TSPAN18: variants seen among roughly 807,000 people sequenced by gnomAD.
TSPAN18 encodes tetraspanin-18.
Under a neutral mutation model 27.3 loss-of-function variants are expected in TSPAN18, and 14 were observed. The ratio of observed to expected loss-of-function variants is 0.51; its 90% CI spans 0.34 to 0.80. The LOEUF (loss-of-function observed/expected upper bound fraction) is 0.80, where lower values mean the gene tolerates loss of function less well. Among genes scored for constraint, TSPAN18 ranks in the 30% least tolerant of loss-of-function variants. The pLI, the probability that TSPAN18 is intolerant of heterozygous loss-of-function variation, is 0.01. For synonymous variants in TSPAN18, 143 were observed against 136.5 expected (o/e 1.05, Z -0.33); for missense variants, 268 against 323.9 (o/e 0.83, Z 1.32).
intron 2 of TSPAN18, among the ~76,000 whole-genome samples, chr11:44,780,641 T>G (rs1855916671): frequency 6.6e-6 from 1 of 152,244 alleles, no homozygotes; most frequent in African/African-American, 2.4e-5. Context: ...TGATGCTTGC[T>G]TTTTGGAACC....
chr11:44,851,639 T>C (rs1216300270), intron 2 of TSPAN18, among the ~76,000 whole-genome samples: 1 of 133,218 alleles, frequency 7.5e-6, no homozygotes, highest in East Asian at 2.1e-4. Flanking sequence ...GCTGGGTCCC[T>C]GTCTACCTCC....
chr11:44,895,220 G>A (rs1233680086), intron 3 of TSPAN18, among the ~76,000 whole-genome samples: 1 of 152,214 alleles, frequency 6.6e-6, no homozygotes, highest in Non-Finnish European at 1.5e-5. Flanking sequence ...CCCAAGCCAT[G>A]TGTCCATGGT....
chr11:44,851,818 AC>A (rs1857613411), intron 2 of TSPAN18, among the ~76,000 whole-genome samples: 1 of 152,154 alleles, frequency 6.6e-6, no homozygotes. Flanking sequence ...TCCAGGTGCT[AC>A]TTTCTCCATC....
chr11:44,742,548 TCGGCCATACC>T (rs1854969553), intron 1 of TSPAN18, among the ~76,000 whole-genome samples: 3 of 152,026 alleles, frequency 2.0e-5, no homozygotes, highest in Admixed American at 2.0e-4. Flanking sequence ...TAGAACCTGC[TCGGCCATACC>T]CGCCATAGGA....
intron 2 of TSPAN18, among the ~76,000 whole-genome samples, chr11:44,847,566 A>G (rs1402344703): frequency 1.3e-5 from 2 of 152,106 alleles, no homozygotes; most frequent in African/African-American, 2.4e-5. Flanking sequence ...GGCCTTTTGG[A>G]TACTATAAAT....
Position 44,752,393 on chromosome 11 carries a change from T to C in TSPAN18, c.-239-12033T>C, listed in dbSNP as rs570319727. Among the ~76,000 whole-genome samples the C allele has an allele frequency of 1.2e-4, 19 of 152,342 alleles. No homozygotes were observed. The East Asian group carries it at 1.9e-3, about 15-fold the overall frequency. On this transcript the variant is annotated intron_variant, in intron 1 of 9. Transcript: ENST00000520358. ...GCAGAACAACTTTCTTTCTTTCTTT[T>C]TTTTTTGACACAGGGTCTCACTCTG...
chr11:44,843,535 G>A (rs1857418427), intron 2 of TSPAN18, among the ~76,000 whole-genome samples: 1 of 152,214 alleles, frequency 6.6e-6, no homozygotes, highest in East Asian at 1.9e-4. Context: ...AGAAGACAGG[G>A]TTTTGAGATC....
At chr11:44,782,693 T>C (rs1163905219) in intron 2 of TSPAN18, among the ~76,000 whole-genome samples, 2 of 152,222 alleles carry the variant, frequency 1.3e-5, no homozygotes, top group African/African-American at 4.8e-5. Context: ...GCTTTTGAGT[T>C]TTAGACATTC....
chr11:44,900,673 A>G lies in TSPAN18; in HGVS notation c.-10-5734A>G, dbSNP rs886203816. Among the ~76,000 whole-genome samples the G allele has an allele frequency of 5.7e-3, 681 of 118,742 alleles. 5 individuals are homozygous for G. Among genetic ancestry groups the G allele is most frequent in the Middle Eastern group, 9.5e-3 (2 of 210 alleles). The allele number at this position is 118,742 out of a possible 152,430, so 77.9% of individuals were successfully genotyped here. On this transcript the variant is annotated intron_variant, in intron 3 of 9. Transcript: ENST00000520358. Reference sequence around the variant, plus strand: ...TGCTCAGTATTTTCCATACAACTTGAGGAAGGCTTTTTTTTTTTTTTTTTT... The same window carrying G: ...TGCTCAGTATTTTCCATACAACTTGGGGAAGGCTTTTTTTTTTTTTTTTTT...
At chr11:44,787,905 C>T (rs1227057183) in intron 2 of TSPAN18, among the ~76,000 whole-genome samples, 2 of 145,682 alleles carry the variant, frequency 1.4e-5, no homozygotes, top group South Asian at 2.1e-4. Context: ...TAAAGCCCCT[C>T]GTTACAACAC....
intron 5 of TSPAN18, among the ~76,000 whole-genome samples, chr11:44,914,564 T>C (rs1016291173): frequency 6.6e-6 from 1 of 152,122 alleles, no homozygotes; most frequent in Non-Finnish European, 1.5e-5. Context: ...TTGCAGGCCA[T>C]GTAGAAACCA....
chr11:44,928,920 T>C (rs536901747), intron 9 of TSPAN18, among the ~76,000 whole-genome samples: 96 of 152,356 alleles, frequency 6.3e-4, no homozygotes, highest in African/African-American at 2.2e-3. Flanking sequence ...CACTCGTTTC[T>C]AAAGTCTTCC....
intron 2 of TSPAN18, among the ~76,000 whole-genome samples, chr11:44,851,262 C>T (rs1052870135): frequency 1.3e-5 from 2 of 152,166 alleles, no homozygotes; most frequent in Admixed American, 6.5e-5. Flanking sequence ...CTGCTTCCGG[C>T]GTCACCTGCC....
At chr11:44,877,641 G>GTT (rs1419166672) in intron 3 of TSPAN18, among the ~76,000 whole-genome samples, 1 of 152,144 alleles carries the variant, frequency 6.6e-6, no homozygotes, top group Non-Finnish European at 1.5e-5. Context: ...AAACAGCCAG[G>GTT]TTATGGTGAC....
At chr11:44,896,511 G>A (rs372356741) in intron 3 of TSPAN18, among the ~76,000 whole-genome samples, 17 of 152,242 alleles carry the variant, frequency 1.1e-4, no homozygotes, top group South Asian at 6.2e-4. Flanking sequence ...CACAGATGGG[G>A]CAGGCAGTTG....
chr11:44,831,398 A>G (rs987003806), intron 2 of TSPAN18, among the ~76,000 whole-genome samples: 2 of 152,206 alleles, frequency 1.3e-5, no homozygotes, highest in Non-Finnish European at 2.9e-5. Context: ...GTTGCAGTGC[A>G]CTAGAGCTGA....
chr11:44,898,287 C>T (rs1859137464), intron 3 of TSPAN18, among the ~76,000 whole-genome samples: 1 of 152,206 alleles, frequency 6.6e-6, no homozygotes, highest in African/African-American at 2.4e-5. Context: ...GGCCAAGCTC[C>T]TTTTCCCTCT....
At chr11:44,827,563 G>A (rs1857070132) in intron 2 of TSPAN18, among the ~76,000 whole-genome samples, 1 of 152,194 alleles carries the variant, frequency 6.6e-6, no homozygotes, top group African/African-American at 2.4e-5. Context: ...GCTGAAGGGG[G>A]ACATATCCCA....
intron 2 of TSPAN18, among the ~76,000 whole-genome samples, chr11:44,836,997 G>A (rs1857277099): frequency 6.6e-6 from 1 of 152,218 alleles, no homozygotes; most frequent in Non-Finnish European, 1.5e-5. Context: ...GATTCATGTT[G>A]TTTTCCTGCC....
Sources: allele counts gnomAD v4.1 joint callset (sites outside exome capture counted in the v4.1 genomes callset), GRCh38; gene constraint gnomAD v4.1.1; transcripts MANE v1.5; gene names NCBI Gene and HGNC (gene_info 2026-07-23, HGNC 2026-07-21).